DNAH12: variants seen among roughly 807,000 people sequenced by gnomAD.
The protein encoded by DNAH12 is dynein axonemal heavy chain 12.
DNAH12 carries 285 observed loss-of-function variants against 371.5 expected under a neutral mutation model. The observed-to-expected ratio is 0.77, with a 90% CI of 0.70 to 0.85. DNAH12 has a LOEUF of 0.85. DNAH12 is among the 40% of genes least tolerant of loss of function. The pLI is 0.00. For missense variants in DNAH12, 3,611 were observed against 3,689.4 expected (o/e 0.98, Z 0.55); for synonymous variants, 1,200 against 1,213.0 (o/e 0.99, Z 0.22).
rs565722412 is a variant in DNAH12 at position 57,448,389 on chromosome 3, G to A, written c.3787-1700C>T. ...GGGCTCGTGCTCTCACTGGCTTCAG[G>A]AGAGAAGCTGCAGACCTTCGCCCTG... On this transcript the variant is annotated intron_variant, in intron 25 of 73. Transcript: ENST00000495027. Among the ~76,000 whole-genome samples the A allele has an allele frequency of 4.6e-5, 7 of 152,102 alleles. No homozygotes were observed. The East Asian group carries it at 7.8e-4, about 17-fold the overall frequency.
intron 52 of DNAH12, among the ~76,000 whole-genome samples, chr3:57,378,550 C>T (rs2063327607): frequency 6.6e-6 from 1 of 152,168 alleles, no homozygotes; most frequent in Non-Finnish European, 1.5e-5. Context: ...TTTTCATCTA[C>T]ACCTTTTTAT....
At chr3:57,514,588 G>A (rs1231600100) in intron 4 of DNAH12, among the ~76,000 whole-genome samples, 1 of 152,016 alleles carries the variant, frequency 6.6e-6, no homozygotes, top group Non-Finnish European at 1.5e-5. Flanking sequence ...ATGGGGGCAT[G>A]GGAACAGGGT....
intron 12 of DNAH12, among the ~76,000 whole-genome samples, chr3:57,484,594 T>C (rs1236712626): frequency 2.0e-5 from 3 of 151,478 alleles, no homozygotes; most frequent in African/African-American, 7.3e-5. Flanking sequence ...TTCTAGAAAA[T>C]AACATCAGAA....
In DNAH12 at chr3:57,537,660, G is replaced by C. The variant is rs190952896; in HGVS notation, c.170+5041C>G. Among the ~76,000 whole-genome samples the C allele has an allele frequency of 6.3e-4, 96 of 151,436 alleles. 1 individual carries two copies. Among genetic ancestry groups the C allele is most frequent in the African/African-American group, 2.2e-3 (91 of 41,150 alleles). On this transcript the variant is annotated intron_variant, in intron 2 of 73. Transcript: ENST00000495027. ...TTTTAAAAAACCTTTAATTTTATCA[G>C]GTATTTTTTAAAAAATGGTTTCTAA...
chr3:57,448,013 T>A (rs149865042), intron 25 of DNAH12, among the ~76,000 whole-genome samples: 1 of 152,182 alleles, frequency 6.6e-6, no homozygotes, highest in African/African-American at 2.4e-5. Flanking sequence ...ATATTGTTAA[T>A]GCCCATTAAC....
At chr3:57,470,748 T>C in intron 15 of DNAH12, 112 bp from the exon 16 acceptor site, 5 of 1,003,690 alleles carry the variant, frequency 5.0e-6, no homozygotes, top group Non-Finnish European at 7.0e-6. Flanking sequence ...AAGTTTATTT[T>C]TAGGCTGGAG....
chr3:57,417,257 A>C (rs1028018381), intron 37 of DNAH12, among the ~76,000 whole-genome samples: 4 of 152,166 alleles, frequency 2.6e-5, no homozygotes, highest in African/African-American at 4.8e-5. Flanking sequence ...TCTAAAAAAA[A>C]ATTTAAAAAA....
intron 65 of DNAH12, among the ~76,000 whole-genome samples, chr3:57,316,063 TA>T: frequency 6.6e-6 from 1 of 152,002 alleles, no homozygotes; most frequent in Non-Finnish European, 1.5e-5. Context: ...CTAGATATTC[TA>T]AAAACTAGAT....
intron 13 of DNAH12, among the ~76,000 whole-genome samples, chr3:57,482,538 GAAAT>G (rs2066780764): frequency 6.6e-6 from 1 of 152,082 alleles, no homozygotes; most frequent in South Asian, 2.1e-4. Context: ...TCTAGAACTA[GAAAT>G]ACCATTTGAC....
At chr3:57,508,200 C>CAAAAAAAAAAA (rs11288020) in intron 7 of DNAH12, among the ~76,000 whole-genome samples, 182 bp downstream of exon 7, 9 of 129,164 alleles carry the variant, frequency 7.0e-5, no homozygotes, top group East Asian at 2.4e-4. Context: ...AAAAAAAAAA[C>CAAAAAAAAAAA]AAAAAAAAAA....
At chr3:57,361,874 A>T (rs1052306570) in intron 58 of DNAH12, among the ~76,000 whole-genome samples, 12 of 152,070 alleles carry the variant, frequency 7.9e-5, no homozygotes, top group East Asian at 1.9e-4. Context: ...ATATTTTTTT[A>T]AAATTATACT....
At chr3:57,410,502 A>G (rs2064167276) in intron 39 of DNAH12, among the ~76,000 whole-genome samples, 1 of 152,054 alleles carries the variant, frequency 6.6e-6, no homozygotes, top group Non-Finnish European at 1.5e-5. Flanking sequence ...CTTGAGATAA[A>G]CAGTATGGAA....
chr3:57,489,405 T>C, intron 12 of DNAH12, 104 bp downstream of exon 12: 1 of 1,200,866 alleles, frequency 8.3e-7, no homozygotes. Context: ...GAAAAAGTTG[T>C]ACGTACTTAC....
At chr3:57,436,213 A>T (rs1320254087) in intron 30 of DNAH12, among the ~76,000 whole-genome samples, 1 of 152,098 alleles carries the variant, frequency 6.6e-6, no homozygotes, top group African/African-American at 2.4e-5. Context: ...TTACTTATAT[A>T]ACATATATAT....
intron 42 of DNAH12, among the ~76,000 whole-genome samples, chr3:57,404,148 CG>C (rs1553680146): frequency 1.5e-4 from 23 of 152,112 alleles, no homozygotes; most frequent in Non-Finnish European, 1.5e-5. Flanking sequence ...CAAGGAGACA[CG>C]GATGTGAATT....
Position 57,392,000 on chromosome 3 carries a change from A to C in DNAH12, c.7177T>G (p.Phe2393Val), listed in dbSNP as rs947424311. 1 of 152,278 alleles carries C rather than the reference A, an allele frequency of 6.6e-6. No homozygotes were observed. Among genetic ancestry groups the C allele is most frequent in the Non-Finnish European group, 1.5e-5 (1 of 68,054 alleles). The allele number at this position is 152,278 out of a possible 1,614,324, so 9.4% of individuals were successfully genotyped here. The change falls in exon 45 of 74, where the codon TTC becomes GTC. Residue 2393 changes from phenylalanine (F) to valine (V), a missense_variant. Physicochemically the swap from Phe to Val is conservative, Grantham distance 50. Coordinates refer to ENST00000495027, the MANE Select transcript of DNAH12 (RefSeq NM_001366028.2). ...DELSPLALFA[F>V]FVNRCKDNLH... ...TTATCTTTGCAGCGATTCACAAAGA[A>C]AGCAAACAGAGCTAAGGGACTGAGT...
At chr3:57,489,769 T>G (rs2067054887) in intron 11 of DNAH12, 82 bp from the exon 12 acceptor site, 1 of 1,280,512 alleles carries the variant, frequency 7.8e-7, no homozygotes, top group Non-Finnish European at 1.0e-6. Flanking sequence ...ATGAAAGTCC[T>G]AATTATATAA....
chr3:57,314,446 C>T, intron 66 of DNAH12, 48 bp downstream of exon 66: 1 of 1,548,116 alleles, frequency 6.5e-7, no homozygotes, highest in South Asian at 1.2e-5. Flanking sequence ...TGCCTAGGGC[C>T]TGATAAATAG....
At chr3:57,297,097 G>A (rs975308376) in intron 70 of DNAH12, 113 bp from the exon 71 acceptor site, 22 of 1,228,868 alleles carry the variant, frequency 1.8e-5, no homozygotes, top group Non-Finnish European at 2.5e-5. Flanking sequence ...TTTCCATCAC[G>A]AGGCCCTCTT....
Sources: gnomAD v4.1 joint callset for allele counts (sites outside exome capture counted in the v4.1 genomes callset) on GRCh38, gnomAD v4.1.1 for gene constraint, MANE v1.5 for transcripts, NCBI Gene and HGNC (gene_info 2026-07-23, HGNC 2026-07-21) for gene names.